F13A1: variants seen among roughly 807,000 people sequenced by gnomAD.
The protein encoded by F13A1 is coagulation factor XIII A chain, also known as FSF, A subunit.
Under a neutral mutation model 80.1 loss-of-function variants are expected in F13A1, and 47 were observed. The ratio of observed to expected loss-of-function variants is 0.59; its 90% confidence interval spans 0.46 to 0.75. The LOEUF (loss-of-function observed/expected upper bound fraction) is 0.75, where lower values mean the gene tolerates loss of function less well. Ranked by LOEUF, F13A1 falls within the 30% of genes least tolerant of loss-of-function variation. The pLI is 0.00. For missense variants in F13A1, 817 were observed against 930.4 expected (o/e 0.88, Z 1.59); for synonymous variants, 349 against 344.9 (o/e 1.01, Z -0.13).
intron 3 of F13A1, among the ~76,000 whole-genome samples, chr6:6,276,886 A>C (rs1757995727): frequency 6.6e-6 from 1 of 152,194 alleles, no homozygotes; most frequent in Non-Finnish European, 1.5e-5. Context: ...GCATAACCAC[A>C]CAGGTAGTGA....
At chr6:6,152,032 A>G (rs1315044214) in intron 13 of F13A1, 83 bp from the exon 14 acceptor site, 1 of 1,542,246 alleles carries the variant, frequency 6.5e-7, no homozygotes, top group Non-Finnish European at 8.9e-7. Context: ...CACTTTTACT[A>G]GAGTTTTATG....
intron 14 of F13A1, among the ~76,000 whole-genome samples, chr6:6,146,688 T>G (rs1202503060): frequency 6.6e-6 from 1 of 152,176 alleles, no homozygotes; most frequent in Non-Finnish European, 1.5e-5. Flanking sequence ...AGGTAACCAG[T>G]GAAGTCCCTT....
intron 8 of F13A1, among the ~76,000 whole-genome samples, chr6:6,219,395 A>T (rs761879751): frequency 9.9e-5 from 15 of 151,938 alleles, no homozygotes; most frequent in Non-Finnish European, 2.1e-4. Flanking sequence ...AGTGACCAAT[A>T]ATAATTAAAT....
chr6:6,186,863 A>G (rs1237197177), intron 10 of F13A1, among the ~76,000 whole-genome samples: 2 of 149,176 alleles, frequency 1.3e-5, no homozygotes, highest in Non-Finnish European at 3.0e-5. Flanking sequence ...TGAGCATGGA[A>G]TATTCTTCCA....
chr6:6,185,993 T>A (rs1761074452), intron 10 of F13A1, among the ~76,000 whole-genome samples: 1 of 151,254 alleles, frequency 6.6e-6, no homozygotes, highest in Admixed American at 6.6e-5. Flanking sequence ...CATTTTTTCA[T>A]GTGTTTTTTG....
intron 12 of F13A1, among the ~76,000 whole-genome samples, chr6:6,169,980 C>T (rs1267486915): frequency 1.3e-5 from 2 of 152,172 alleles, no homozygotes; most frequent in Admixed American, 6.5e-5. Flanking sequence ...GACCCGCTCT[C>T]GTATTGCTGT....
intron 10 of F13A1, among the ~76,000 whole-genome samples, chr6:6,188,086 T>C (rs1232884225): frequency 1.3e-5 from 2 of 152,148 alleles, no homozygotes; most frequent in African/African-American, 2.4e-5. Context: ...TTATCATTTT[T>C]TATTGTGTCT....
In F13A1 at chr6:6,315,797, CAA is replaced by C. The variant is rs775986939; in HGVS notation, c.130+2736_130+2737del. ...AACTTGGGGCTGGTGTTCCTGGAGC[CAA>C]AGTCATCATCCGCAGATTGGTAACC... On this transcript the variant is annotated intron_variant, in intron 2 of 14. Coordinates refer to ENST00000264870, the MANE Select transcript of F13A1 (RefSeq NM_000129.4). Among the ~76,000 whole-genome samples, 10 of 151,938 alleles carry C rather than the reference CAA, an allele frequency of 6.6e-5. No homozygotes were observed. The East Asian group carries it at 1.6e-3, about 24-fold the overall frequency.
At chr6:6,239,184 T>C (rs114384619) in intron 6 of F13A1, among the ~76,000 whole-genome samples, 2,600 of 152,256 alleles carry the variant, frequency 0.017, 42 homozygotes, top group Non-Finnish European at 0.024. Context: ...AAGGAAAGCA[T>C]TGAAAACACA....
At chr6:6,241,276 G>T (rs1561665376) in intron 6 of F13A1, among the ~76,000 whole-genome samples, 1 of 152,200 alleles carries the variant, frequency 6.6e-6, no homozygotes, top group African/African-American at 2.4e-5. Context: ...GCATCTGTGG[G>T]TTAGTAATGC....
rs763103004 is a variant in F13A1 at position 6,318,597 on chromosome 6, G to T, written c.68C>A (p.Ala23Glu). The T allele has an allele frequency of 5.0e-6, 8 of 1,613,510 alleles. No homozygotes were observed. Among genetic ancestry groups the T allele is most frequent in the African/African-American group, 1.3e-5 (1 of 74,722 alleles). ...RAVPPNNSNA[A>E]EDDLPTVELQ... ...CTCCACTGTGGGCAGGTCATCTTCC[G>T]CTGCATTAGAGTTATTGGGTGGAAC... Residue 23 changes from alanine (A) to glutamate (E), a missense_variant, in exon 2 of 15, where the codon GCG (alanine) becomes GAG (glutamate). Coordinates refer to ENST00000264870, the MANE Select transcript of F13A1 (RefSeq NM_000129.4).
Position 6,278,604 on chromosome 6 carries a change from G to A in F13A1, c.320-11795C>T, listed in dbSNP as rs149494390. 3.2e-3 allele frequency among the ~76,000 whole-genome samples: 494 copies of A among 152,156 alleles called. 4 individuals carry two copies. The highest frequency in any genetic ancestry group is 6.8e-3 in the Middle Eastern group (2 of 294). On this transcript the variant is annotated intron_variant, in intron 3 of 14. Transcript: ENST00000264870. ...AGGTGCCTGAGCAGAGGGAACTGTG[G>A]GAGATAAGATGCCTGGGACAGAGGG...
chr6:6,282,261 A>G (rs565269665), intron 3 of F13A1, among the ~76,000 whole-genome samples: 1 of 152,254 alleles, frequency 6.6e-6, no homozygotes, highest in Admixed American at 6.5e-5. Context: ...GTGCAGGGAA[A>G]ACTCAAAACG....
intron 8 of F13A1, among the ~76,000 whole-genome samples, chr6:6,204,631 G>A (rs1021335510): frequency 1.4e-4 from 21 of 152,172 alleles, no homozygotes; most frequent in African/African-American, 5.1e-4. Context: ...GGAAAGAAGT[G>A]GGAACAATTT....
At chr6:6,260,119 G>A (rs1757758460) in intron 4 of F13A1, among the ~76,000 whole-genome samples, 1 of 152,168 alleles carries the variant, frequency 6.6e-6, no homozygotes, top group South Asian at 2.1e-4. Context: ...CTCCCAGAAT[G>A]GACCCGAAGC....
intron 2 of F13A1, among the ~76,000 whole-genome samples, chr6:6,314,034 T>A (rs1583128579): frequency 7.0e-6 from 1 of 143,642 alleles, no homozygotes; most frequent in African/African-American, 2.6e-5. Flanking sequence ...CAGGCTGGAG[T>A]GCAATGGCAC....
intron 8 of F13A1, among the ~76,000 whole-genome samples, chr6:6,213,361 TG>T (rs1412521743): frequency 4.0e-5 from 6 of 151,722 alleles, no homozygotes; most frequent in South Asian, 2.1e-4. Flanking sequence ...CAGAAGAGAG[TG>T]GGGGCCAATA....
At position 6,199,078 on chromosome 6, in the gene F13A1, C is replaced by T. The variant is rs183483485; in HGVS notation, c.1113-1752G>A. Among the ~76,000 whole-genome samples, 401 of 152,314 alleles carry T rather than the reference C, an allele frequency of 2.6e-3. 2 individuals carry two copies. The highest frequency in any genetic ancestry group is 5.2e-3 in the Admixed American group (79 of 15,298). ...TTGAACATTCAGGTTCATAGGAGAACGGTGATGGCAGGCAATGCACGAAAC... is the reference window on the plus strand; with the variant it reads ...TTGAACATTCAGGTTCATAGGAGAATGGTGATGGCAGGCAATGCACGAAAC... On this transcript the variant is annotated intron_variant, in intron 8 of 14. Coordinates refer to ENST00000264870, the MANE Select transcript of F13A1 (RefSeq NM_000129.4).
At chr6:6,154,143 CA>C (rs5874019) in intron 13 of F13A1, among the ~76,000 whole-genome samples, 50,167 of 123,950 alleles carry the variant, frequency 0.4, 8,948 homozygotes, top group East Asian at 0.56. Flanking sequence ...TACTGACGTC[CA>C]AAAAAAAAAA....
Sources: gnomAD v4.1 joint callset for allele counts (sites outside exome capture counted in the v4.1 genomes callset) on GRCh38, gnomAD v4.1.1 for gene constraint, MANE v1.5 for transcripts, NCBI Gene and HGNC (gene_info 2026-07-23, HGNC 2026-07-21) for gene names.